The following GABPB2 variants were observed in gnomAD, a reference collection of about 807,000 sequenced individuals.
The protein encoded by GABPB2 is GA binding protein transcription factor subunit beta 2.
In GABPB2, 23 loss-of-function variants were observed where a neutral mutation model predicts 39.1. The observed-to-expected ratio is 0.59, with a 90% CI of 0.42 to 0.83. The LOEUF is 0.83. Among genes scored for constraint, GABPB2 ranks in the 40% least tolerant of loss-of-function variants. The probability of loss-of-function intolerance (pLI) is 0.00; values close to 1 mark genes in which losing one functional copy is unlikely to be tolerated. For missense variants in GABPB2, 467 were observed against 541.1 expected (o/e 0.86, Z 1.36); for synonymous variants, 184 against 199.3 (o/e 0.92, Z 0.65).
At chr1:151,073,236 G>A (rs1306367615) in intron 1 of GABPB2, 2 of 152,104 alleles carry the variant, frequency 1.3e-5, no homozygotes, top group Non-Finnish European at 2.9e-5. Context: ...TGTCCCGGCT[G>A]GGATCAAATT....
At chr1:151,074,477 A>AT (rs35884850) in intron 1 of GABPB2, among the ~76,000 whole-genome samples, 86,929 of 135,586 alleles carry the variant, frequency 0.64, 28,529 homozygotes, top group East Asian at 0.87. Context: ...TGCCCAGCTA[A>AT]TTTTTTTTTT....
At chr1:151,104,811 T>TTTCTTTCTTTCTTTCTTTCC (rs1177567681) in intron 6 of GABPB2, among the ~76,000 whole-genome samples, 2 of 150,322 alleles carry the variant, frequency 1.3e-5, no homozygotes, top group Non-Finnish European at 1.5e-5. Flanking sequence ...CTTTTCTTTC[T>TTTCTTTCTTTCTTTCTTTCC]TTCCTTTCTT....
rs187200584 is a variant in GABPB2 at position 151,100,385 on chromosome 1, C to T, written c.622+2383C>T. ...GTCTCGAACTCCTGAGCTTGTGATC[C>T]ACTCGCCATGGCCTCCTAAAATGCT... On this transcript the variant is annotated intron_variant, in intron 5 of 8. Coordinates refer to ENST00000368918, the MANE Select transcript of GABPB2 (RefSeq NM_144618.3). Among the ~76,000 whole-genome samples, 230 of 151,014 alleles carry T rather than the reference C, an allele frequency of 1.5e-3. 1 individual carries two copies. The highest frequency in any genetic ancestry group is 5.5e-3 in the African/African-American group (225 of 41,238).
intron 5 of GABPB2, 41 bp downstream of exon 5, chr1:151,098,043 A>G (rs1238932937): frequency 6.3e-7 from 1 of 1,585,960 alleles, no homozygotes; most frequent in Non-Finnish European, 8.7e-7. Flanking sequence ...AGACTCAAAA[A>G]AGAACAGAAC....
rs1240799377 is a variant in GABPB2, at chr1:151,125,117, G to C, written c.*6861G>C. ...ACATATTTTTTGTTTATTCTGAGGTGGTTTGTTTCTGAAAGTTAATCTAGG... is the reference window on the plus strand; with the variant it reads ...ACATATTTTTTGTTTATTCTGAGGTCGTTTGTTTCTGAAAGTTAATCTAGG... On this transcript the variant is annotated 3_prime_UTR_variant, in exon 9 of 9. Coordinates refer to ENST00000368918, the MANE Select transcript of GABPB2 (RefSeq NM_144618.3). 4 of 152,088 alleles carry C rather than the reference G, an allele frequency of 2.6e-5. No homozygotes were observed. The highest frequency in any genetic ancestry group is 9.7e-5 in the African/African-American group (4 of 41,384). The allele number at this position is 152,088 out of a possible 1,614,324, so 9.4% of individuals were successfully genotyped here. A position where few individuals can be genotyped will look rare whatever the true frequency, so the allele number is the denominator to read the frequency against.
chr1:151,085,490 G>T (rs587626057), intron 1 of GABPB2, among the ~76,000 whole-genome samples: 1 of 152,168 alleles, frequency 6.6e-6, no homozygotes, highest in East Asian at 1.9e-4. Flanking sequence ...GCCCAGGCTG[G>T]AGTGCGGTGG....
intron 6 of GABPB2, among the ~76,000 whole-genome samples, chr1:151,106,414 T>C (rs956650647): frequency 1.3e-5 from 2 of 152,224 alleles, no homozygotes; most frequent in African/African-American, 4.8e-5. Flanking sequence ...CTCGACTCAC[T>C]GCAACCTCTG....
At chr1:151,099,584 G>T (rs924946350) in intron 5 of GABPB2, among the ~76,000 whole-genome samples, 6 of 152,102 alleles carry the variant, frequency 3.9e-5, no homozygotes, top group African/African-American at 1.4e-4. Context: ...TTGACTATTG[G>T]TTTCTTTTTC....
Position 151,119,346 on chromosome 1 carries a change from C to G in GABPB2, c.*1090C>G, listed in dbSNP as rs1013884021. 6.6e-6 allele frequency: 1 copy of G among 152,184 alleles called. No homozygotes were observed. The highest frequency in any genetic ancestry group is 1.5e-5 in the Non-Finnish European group (1 of 68,176). The allele number at this position is 152,184 out of a possible 1,614,324, so 9.4% of individuals were successfully genotyped here. ...AAACTAGGCCAGGCGTGGTGGCTCACGCCTGTAATCCCAACACTTTGGGAG... is the reference window on the plus strand; with the variant it reads ...AAACTAGGCCAGGCGTGGTGGCTCAGGCCTGTAATCCCAACACTTTGGGAG... On this transcript the variant is annotated 3_prime_UTR_variant, in exon 9 of 9. Coordinates refer to ENST00000368918, the MANE Select transcript of GABPB2 (RefSeq NM_144618.3).
intron 6 of GABPB2, among the ~76,000 whole-genome samples, chr1:151,105,317 T>C (rs1219992162): frequency 6.6e-5 from 10 of 151,596 alleles, no homozygotes; most frequent in Non-Finnish European, 1.5e-4. Context: ...TTCAACATAA[T>C]ACACATAACA....
intron 7 of GABPB2, among the ~76,000 whole-genome samples, chr1:151,114,985 G>A (rs1418384488): frequency 6.6e-6 from 1 of 152,094 alleles, no homozygotes; most frequent in Non-Finnish European, 1.5e-5. Context: ...ACTCCAATCC[G>A]GCCTGGGTGG....
intron 1 of GABPB2, among the ~76,000 whole-genome samples, chr1:151,078,966 C>T (rs994786745): frequency 3.3e-5 from 5 of 152,036 alleles, no homozygotes; most frequent in African/African-American, 9.7e-5. Context: ...GCCACTGTGC[C>T]TGGCTACATT....
chr1:151,093,590 A>G (rs1678881446), intron 4 of GABPB2, among the ~76,000 whole-genome samples: 1 of 149,488 alleles, frequency 6.7e-6, no homozygotes, highest in African/African-American at 2.4e-5. Context: ...GTATACGCAT[A>G]TATATTTTTT....
intron 3 of GABPB2, among the ~76,000 whole-genome samples, chr1:151,092,162 A>G (rs1678770957): frequency 7.7e-6 from 1 of 129,266 alleles, no homozygotes; most frequent in Non-Finnish European, 1.5e-5. Flanking sequence ...GCTGGAGTGC[A>G]GTGGCGCAAT....
intron 1 of GABPB2, among the ~76,000 whole-genome samples, chr1:151,083,002 T>C (rs1315228470): frequency 1.3e-5 from 2 of 150,844 alleles, no homozygotes; most frequent in Non-Finnish European, 3.0e-5. Flanking sequence ...AAAGAAAAAG[T>C]TAGTTGCAAT....
intron 1 of GABPB2, among the ~76,000 whole-genome samples, chr1:151,072,121 T>C (rs1396665225): frequency 6.6e-6 from 1 of 152,256 alleles, no homozygotes; most frequent in Admixed American, 6.5e-5. Flanking sequence ...CGTGCTTTGA[T>C]GACAATAAAG....
At chr1:151,113,487 A>C (rs1337197739) in intron 7 of GABPB2, among the ~76,000 whole-genome samples, 2 of 151,988 alleles carry the variant, frequency 1.3e-5, no homozygotes, top group Admixed American at 6.6e-5. Context: ...AAAAAAAAAA[A>C]AATGCTGTGA....
chr1:151,082,396 T>C (rs1170560141), intron 1 of GABPB2, among the ~76,000 whole-genome samples: 2 of 120,012 alleles, frequency 1.7e-5, no homozygotes, highest in Non-Finnish European at 1.8e-5. Context: ...TAATTTCTTT[T>C]TTTTTTTTTT....
chr1:151,091,465 CAAAAAAAA>C (rs34351787), intron 3 of GABPB2, among the ~76,000 whole-genome samples: 37 of 73,450 alleles, frequency 5.0e-4, no homozygotes, highest in Non-Finnish European at 6.7e-4. Flanking sequence ...TCCTGTGTCT[CAAAAAAAA>C]AAAAAAAAAA....
Sources: allele counts gnomAD v4.1 joint callset (sites outside exome capture counted in the v4.1 genomes callset), GRCh38; gene constraint gnomAD v4.1.1; transcripts MANE v1.5; gene names NCBI Gene and HGNC (gene_info 2026-07-23, HGNC 2026-07-21).